The following SRGAP2B variants were observed in gnomAD, a reference collection of about 807,000 sequenced individuals.
SRGAP2B encodes SLIT-ROBO Rho GTPase-activating protein 2B.
In SRGAP2B, 9 loss-of-function variants were observed where a neutral mutation model predicts 22.2. That is an observed-to-expected ratio of 0.41 (90% CI 0.24 to 0.71). The LOEUF is 0.71. Among genes scored for constraint, SRGAP2B ranks in the 30% least tolerant of loss-of-function variants. The pLI is 0.35. For missense variants in SRGAP2B, 114 were observed against 235.8 expected (o/e 0.48, Z 3.38); for synonymous variants, 36 against 87.4 (o/e 0.41, Z 3.28).
chr1:144,944,586 C>CAA (rs3061760), intron 4 of SRGAP2B, among the ~76,000 whole-genome samples: 688 of 17,864 alleles, frequency 0.039, 81 homozygotes, highest in Non-Finnish European at 0.042. Context: ...GTCTCCATCT[C>CAA]AAAAAAAAAA....
intron 2 of SRGAP2B, among the ~76,000 whole-genome samples, chr1:145,012,912 C>T (rs1672162031): frequency 6.7e-6 from 1 of 148,280 alleles, no homozygotes; most frequent in Non-Finnish European, 1.5e-5. Flanking sequence ...TGGCAGAACC[C>T]CATCTCTACT....
intron 3 of SRGAP2B, among the ~76,000 whole-genome samples, chr1:144,976,034 C>A (rs1454070820): frequency 6.7e-6 from 1 of 149,178 alleles, no homozygotes; most frequent in African/African-American, 2.5e-5. Context: ...CCACCATGCC[C>A]GGCTAATTTT....
intron 4 of SRGAP2B, among the ~76,000 whole-genome samples, chr1:144,944,585 TC>T (rs1558768635): frequency 7.2e-5 from 1 of 13,962 alleles, no homozygotes. Context: ...AGTCTCCATC[TC>T]AAAAAAAAAA....
At chr1:144,979,794 T>C (rs1669183447) in intron 3 of SRGAP2B, among the ~76,000 whole-genome samples, 1 of 151,632 alleles carries the variant, frequency 6.6e-6, no homozygotes, top group African/African-American at 2.4e-5. Context: ...CTGCCATGAT[T>C]GTAAGCTTCC....
In SRGAP2B at chr1:145,063,007, G is replaced by C. The variant is rs1188019320; in HGVS notation, c.67+29828C>G. On this transcript the variant is annotated intron_variant, in intron 2 of 9. Coordinates refer to ENST00000612199, the Ensembl canonical transcript of SRGAP2B. ...TAAGTCGTATTAACGACTTACTTGCGTTCTAAACTTCCAGCTCCAGAACAC... is the reference window on the plus strand; with the variant it reads ...TAAGTCGTATTAACGACTTACTTGCCTTCTAAACTTCCAGCTCCAGAACAC... 1.3e-5 allele frequency among the ~76,000 whole-genome samples: 2 copies of C among 150,120 alleles called. 1 individual carries two copies. Among genetic ancestry groups the C allele is most frequent in the African/African-American group, 5.0e-5 (2 of 39,914 alleles).
intron 3 of SRGAP2B, among the ~76,000 whole-genome samples, chr1:144,983,863 C>G (rs1480507865): frequency 6.6e-6 from 1 of 150,410 alleles, no homozygotes; most frequent in African/African-American, 2.5e-5. Flanking sequence ...TCTCTACCAA[C>G]AGCCAAAAAA....
Position 144,909,172 on chromosome 1 carries a change from G to C in SRGAP2B, c.487-3098C>G, listed in dbSNP as rs1318479021. On this transcript the variant is annotated intron_variant, in intron 5 of 9. Transcript: ENST00000612199. ...TAGGCAAGCAGTAACTCATCTACTT[G>C]AGTCCTAAACCAAAACCAGAGTGAG... 7.3e-5 allele frequency among the ~76,000 whole-genome samples: 11 copies of C among 150,614 alleles called. No individual in the cohort carries two copies. The South Asian group carries it at 1.5e-3, about 20-fold the overall frequency.
At chr1:145,031,641 A>G (rs1227797640) in intron 2 of SRGAP2B, among the ~76,000 whole-genome samples, 1 of 140,752 alleles carries the variant, frequency 7.1e-6, no homozygotes, top group Non-Finnish European at 1.5e-5. Context: ...AGGTCAGGAG[A>G]TCGAGACCAT....
rs1435044594 is a variant in SRGAP2B, at chr1:144,995,004, C to G, written c.260+4G>C. 1 of 1,517,396 alleles carries G rather than the reference C, an allele frequency of 6.6e-7. No individual in the cohort carries two copies. Among genetic ancestry groups the G allele is most frequent in the Non-Finnish European group, 8.8e-7 (1 of 1,133,778 alleles). 94.0% of individuals were successfully genotyped at this position (1,517,396 alleles called of 1,614,324 possible). A position where few individuals can be genotyped will look rare whatever the true frequency, so the allele number is the denominator to read the frequency against. ...TCAGAGAGTAATAGCCACAGAGCCC[C>G]TACTTGAATTGCTGGTCCTTGGTGC... On this transcript the variant is annotated splice_donor_region_variant and intron_variant, in intron 3 of 9. Coordinates refer to ENST00000612199, the Ensembl canonical transcript of SRGAP2B.
intron 4 of SRGAP2B, among the ~76,000 whole-genome samples, chr1:144,923,244 A>G (rs587709318): frequency 6.6e-6 from 1 of 150,862 alleles, no homozygotes; most frequent in East Asian, 1.9e-4. Flanking sequence ...AAAACAGACA[A>G]TCAAATCTAA....
intron 2 of SRGAP2B, among the ~76,000 whole-genome samples, chr1:145,019,782 C>T (rs1245606852): frequency 2.0e-5 from 3 of 146,560 alleles, no homozygotes; most frequent in Non-Finnish European, 4.5e-5. Flanking sequence ...TAAAAGCCAA[C>T]AGCCTAACAT....
intron 3 of SRGAP2B, among the ~76,000 whole-genome samples, chr1:144,969,526 A>G (rs1668345368): frequency 7.4e-6 from 1 of 134,798 alleles, no homozygotes; most frequent in African/African-American, 3.0e-5. Flanking sequence ...CGTTAGACCT[A>G]AAACCATAAA....
intron 4 of SRGAP2B, among the ~76,000 whole-genome samples, chr1:144,925,309 A>C (rs1447190694): frequency 6.8e-6 from 1 of 147,252 alleles, no homozygotes; most frequent in African/African-American, 2.6e-5. Flanking sequence ...CCAGCCTGGA[A>C]ATGTCTCTCT....
intron 2 of SRGAP2B, among the ~76,000 whole-genome samples, chr1:145,092,033 T>G (rs1654030057): frequency 6.7e-6 from 1 of 150,046 alleles, no homozygotes; most frequent in Non-Finnish European, 1.5e-5. Context: ...TGGTTTCTCC[T>G]AGTCCACACT....
At chr1:144,900,050 C>CA (rs1662587550) in intron 7 of SRGAP2B, among the ~76,000 whole-genome samples, 1 of 80,936 alleles carries the variant, frequency 1.2e-5, no homozygotes, top group Non-Finnish European at 2.5e-5. Flanking sequence ...CATATCACCC[C>CA]AACCAGACTA....
chr1:144,894,020 C>G (rs1662249118), intron 8 of SRGAP2B, among the ~76,000 whole-genome samples: 2 of 145,316 alleles, frequency 1.4e-5, no homozygotes, highest in African/African-American at 5.6e-5. Context: ...AAGCCAGGAA[C>G]AAGTTCGTTG....
chr1:145,068,767 C>T (rs1651785819), intron 2 of SRGAP2B, among the ~76,000 whole-genome samples: 1 of 141,308 alleles, frequency 7.1e-6, no homozygotes, highest in Admixed American at 7.1e-5. Flanking sequence ...ACAAATAGTT[C>T]AACAATTCAA....
rs1411046698 is a variant in SRGAP2B, at chr1:145,076,370, A to G, written c.67+16465T>C. 1.3e-5 allele frequency among the ~76,000 whole-genome samples: 2 copies of G among 149,790 alleles called. 1 individual carries two copies. Among genetic ancestry groups the G allele is most frequent in the African/African-American group, 5.0e-5 (2 of 39,822 alleles). ...AATACCTGTATACACAAAAATCTATAATGAATGTTCAGAGCAGCTTCATTC... is the reference window on the plus strand; with the variant it reads ...AATACCTGTATACACAAAAATCTATGATGAATGTTCAGAGCAGCTTCATTC... On this transcript the variant is annotated intron_variant, in intron 2 of 9. Coordinates refer to ENST00000612199, the Ensembl canonical transcript of SRGAP2B.
rs587629266 is a variant in SRGAP2B, at chr1:144,920,164, G to A, written c.424-5410C>T. ...TACAATCCTCTAGCTAGACAGAAAA[G>A]TTCTCCAAGTCCCCACTCCACTGAG... On this transcript the variant is annotated intron_variant, in intron 4 of 9. Coordinates refer to ENST00000612199, the Ensembl canonical transcript of SRGAP2B. Among the ~76,000 whole-genome samples the A allele has an allele frequency of 1.1e-4, 17 of 151,062 alleles. 1 individual carries two copies. In the East Asian group the frequency reaches 3.1e-3, roughly 28 times the overall value.
Sources: gnomAD v4.1 joint callset for allele counts (sites outside exome capture counted in the v4.1 genomes callset) on GRCh38, gnomAD v4.1.1 for gene constraint, MANE v1.5 for transcripts, NCBI Gene and HGNC (gene_info 2026-07-23, HGNC 2026-07-21) for gene names.